The following NTRK3 variants were observed in gnomAD, a reference collection of about 807,000 sequenced individuals.
NTRK3 encodes neurotrophic receptor tyrosine kinase 3.
A neutral mutation model predicts 91.7 loss-of-function variants in NTRK3; 24 were observed. That is an observed-to-expected ratio of 0.26 (90% CI 0.19 to 0.37). The LOEUF is 0.37. Ranked by LOEUF, NTRK3 falls within the 10% of genes least tolerant of loss-of-function variation. The pLI, the probability that NTRK3 is intolerant of heterozygous loss-of-function variation, is 1.00. For synonymous variants in NTRK3, 483 were observed against 404.0 expected, an observed-to-expected ratio of 1.20 and a Z score of -2.34; for missense variants, 880 against 1,068.9, an observed-to-expected ratio of 0.82 and a Z score of 2.46.
At position 88,001,289 on chromosome 15, in the gene NTRK3, C is replaced by T. The variant is rs987811846; in HGVS notation, c.1585+31568G>A. ...ATATTTTCTACCATTCAGTGGGTTG[C>T]CTCTTCATTTTCTTGTTGGTGTCCA... is the stretch of plus-strand genomic sequence containing the variant. On this transcript the variant is annotated intron_variant, in intron 14 of 18. Transcript: ENST00000394480. 5.3e-5 allele frequency among the ~76,000 whole-genome samples: 8 copies of T among 152,062 alleles called. No homozygotes were observed. In the South Asian group the frequency reaches 6.2e-4, roughly 12 times the overall value.
At chr15:88,043,117 A>G (rs754968871) in intron 13 of NTRK3, among the ~76,000 whole-genome samples, 13 of 152,198 alleles carry the variant, frequency 8.5e-5, no homozygotes, top group Non-Finnish European at 1.3e-4. Flanking sequence ...GCAACCAGAA[A>G]TTCATAGCAC....
intron 13 of NTRK3, among the ~76,000 whole-genome samples, chr15:88,063,680 A>G (rs1269242855): frequency 6.6e-6 from 1 of 152,208 alleles, no homozygotes; most frequent in East Asian, 1.9e-4. Context: ...TAGCAGGCAC[A>G]TATCTATTTT....
At chr15:87,897,927 C>A (rs184239013) in intron 17 of NTRK3, among the ~76,000 whole-genome samples, 1 of 152,188 alleles carries the variant, frequency 6.6e-6, no homozygotes, top group East Asian at 1.9e-4. Context: ...GCTAAGCAAC[C>A]ATAGAGAATT....
chr15:88,131,451 G>A (rs995020971), intron 10 of NTRK3, among the ~76,000 whole-genome samples: 1 of 152,102 alleles, frequency 6.6e-6, no homozygotes, highest in African/African-American at 2.4e-5. Context: ...ATTGTTTTGG[G>A]GGATGGTCAC....
exon 2 of NTRK3, chr15:88,256,338 G>T: frequency 1.6e-6 from 1 of 644,324 alleles, no homozygotes; most frequent in South Asian, 1.7e-5. Context: ...AAACCATCGC[G>T]GACGCCGCCG....
intron 14 of NTRK3, among the ~76,000 whole-genome samples, chr15:87,988,266 A>G (rs773049031): frequency 1.3e-5 from 2 of 152,246 alleles, no homozygotes; most frequent in African/African-American, 2.4e-5. Flanking sequence ...CCTGACCATC[A>G]AGGTAATCAA....
chr15:88,092,888 A>G (rs1400786024), intron 13 of NTRK3, among the ~76,000 whole-genome samples: 1 of 152,184 alleles, frequency 6.6e-6, no homozygotes, highest in Admixed American at 6.5e-5. Flanking sequence ...AAAAATGCAC[A>G]TTCTTGCCTT....
rs8033602 is a variant in NTRK3, at chr15:87,881,711, G to A, written c.2134-1283C>T. ...TGGGATTACAGGCTTGAGCCACCGC[G>A]CCCGGCCTAAAGTTCTTATTTCTAT... On this transcript the variant is annotated intron_variant, in intron 17 of 18. Transcript: ENST00000394480. 8.4e-3 allele frequency among the ~76,000 whole-genome samples: 1,277 copies of A among 152,080 alleles called. 21 individuals carry two copies. Among genetic ancestry groups the A allele is most frequent in the African/African-American group, 0.029 (1,188 of 41,478 alleles).
intron 3 of NTRK3, among the ~76,000 whole-genome samples, chr15:88,222,095 G>A (rs1007976443): frequency 2.0e-5 from 3 of 152,214 alleles, no homozygotes; most frequent in African/African-American, 7.2e-5. Flanking sequence ...TGCAGCCCAT[G>A]TTGGGTGAGG....
chr15:88,084,068 C>G (rs1194708408), intron 13 of NTRK3, among the ~76,000 whole-genome samples: 2 of 150,182 alleles, frequency 1.3e-5, no homozygotes, highest in South Asian at 2.1e-4. Flanking sequence ...TTGTAAGAGC[C>G]ATTTCATGTC....
intron 13 of NTRK3, among the ~76,000 whole-genome samples, chr15:88,052,115 A>T (rs1453476054): frequency 1.3e-5 from 2 of 152,252 alleles, no homozygotes; most frequent in Non-Finnish European, 2.9e-5. Context: ...GGATGAACAT[A>T]GTTCCCTAAT....
exon 19 of NTRK3, chr15:87,861,792 T>C (rs576338193): frequency 1.0e-5 from 2 of 198,476 alleles, no homozygotes; most frequent in Non-Finnish European, 2.1e-5. Flanking sequence ...GTACTGAGAA[T>C]CTTTATAAAA....
chr15:87,877,169 G>C lies in NTRK3; in HGVS notation c.2293-49C>G, dbSNP rs772523788. 3.8e-6 allele frequency: 6 copies of C among 1,598,964 alleles called. No homozygotes were observed. In the East Asian group the frequency reaches 1.1e-4, roughly 30 times the overall value. ...AAGTTACACCCAAAGCTCAGCCTTG[G>C]TCCTGTGGCTCAGACTCGGCAAAAA... On this transcript the variant is annotated intron_variant, in intron 18 of 18. Transcript: ENST00000394480.
At chr15:88,134,679 T>C (rs1395164010) in intron 10 of NTRK3, among the ~76,000 whole-genome samples, 2 of 152,230 alleles carry the variant, frequency 1.3e-5, no homozygotes, top group Non-Finnish European at 2.9e-5. Context: ...TGACGTGCTT[T>C]ATATACCTTG....
chr15:88,104,105 C>T (rs2050454293), intron 13 of NTRK3, among the ~76,000 whole-genome samples: 1 of 152,176 alleles, frequency 6.6e-6, no homozygotes, highest in Non-Finnish European at 1.5e-5. Context: ...GATCCTGGGT[C>T]AGAGAATACC....
chr15:87,975,419 A>C (rs114184361), intron 14 of NTRK3, among the ~76,000 whole-genome samples: 133 of 152,314 alleles, frequency 8.7e-4, no homozygotes, highest in African/African-American at 3.1e-3. Flanking sequence ...CAATCTGTGC[A>C]GCAAAATCCC....
At position 88,006,762 on chromosome 15, in the gene NTRK3, G is replaced by C. The variant is rs770789400; in HGVS notation, c.1585+26095C>G. Among the ~76,000 whole-genome samples the C allele has an allele frequency of 3.3e-5, 5 of 152,324 alleles. No homozygotes were observed. In the South Asian group the frequency reaches 1.0e-3, roughly 32 times the overall value. On this transcript the variant is annotated intron_variant, in intron 14 of 18. Coordinates refer to ENST00000394480, the Ensembl canonical transcript of NTRK3. ...CACATGCACACAGGGAGAGAAGTACGCAGAGGCACACAGCTGGGCTTCCAA... is the reference window on the plus strand; with the variant it reads ...CACATGCACACAGGGAGAGAAGTACCCAGAGGCACACAGCTGGGCTTCCAA...
chr15:88,116,159 C>T (rs1015040530), intron 13 of NTRK3, among the ~76,000 whole-genome samples: 1 of 152,168 alleles, frequency 6.6e-6, no homozygotes, highest in Non-Finnish European at 1.5e-5. Context: ...GGGCAGCAGA[C>T]CTTACAAGTC....
chr15:88,184,677 G>C (rs770625404), intron 3 of NTRK3, among the ~76,000 whole-genome samples: 2 of 152,094 alleles, frequency 1.3e-5, no homozygotes, highest in Non-Finnish European at 2.9e-5. Context: ...CTAAGGACTG[G>C]CCTTTTTTTT....
Sources: gnomAD v4.1 joint callset for allele counts (sites outside exome capture counted in the v4.1 genomes callset) on GRCh38, gnomAD v4.1.1 for gene constraint, MANE v1.5 for transcripts, NCBI Gene and HGNC (gene_info 2026-07-23, HGNC 2026-07-21) for gene names.